CTNND2: variants seen among roughly 807,000 people sequenced by gnomAD.
CTNND2 encodes the protein catenin delta 2, also known as catenin delta-2.
Under a neutral mutation model 144.4 loss-of-function variants are expected in CTNND2, and 22 were observed. The observed-to-expected ratio is 0.15, with a 90% confidence interval of 0.11 to 0.22. The LOEUF is 0.22. Ranked by LOEUF, CTNND2 falls within the 10% of genes least tolerant of loss-of-function variation. The pLI is 1.00. For synonymous variants in CTNND2, 751 were observed against 695.6 expected, an observed-to-expected ratio of 1.08 and a Z score of -1.25; for missense variants, 1,353 against 1,618.8, an observed-to-expected ratio of 0.84 and a Z score of 2.82.
At chr5:11,620,151 T>G (rs1780763031) in intron 2 of CTNND2, among the ~76,000 whole-genome samples, 1 of 152,180 alleles carries the variant, frequency 6.6e-6, no homozygotes, top group Non-Finnish European at 1.5e-5. Flanking sequence ...CTAATAGGTA[T>G]CCTAATCATC....
At chr5:11,056,884 G>A (rs1308321940) in intron 16 of CTNND2, among the ~76,000 whole-genome samples, 7 of 152,328 alleles carry the variant, frequency 4.6e-5, no homozygotes, top group Admixed American at 1.3e-4. Flanking sequence ...AGCTCAGGCC[G>A]CATGCCAGAG....
At chr5:11,630,689 C>T (rs1781369313) in intron 2 of CTNND2, among the ~76,000 whole-genome samples, 1 of 152,064 alleles carries the variant, frequency 6.6e-6, no homozygotes, top group South Asian at 2.1e-4. Context: ...TCAATAATCA[C>T]ACCTGTAATC....
chr5:11,153,011 C>T (rs756723601), intron 12 of CTNND2, among the ~76,000 whole-genome samples: 1 of 152,134 alleles, frequency 6.6e-6, no homozygotes, highest in Non-Finnish European at 1.5e-5. Flanking sequence ...TTCCTGTAAT[C>T]CCAGCACTTT....
intron 6 of CTNND2, among the ~76,000 whole-genome samples, chr5:11,393,448 C>A (rs1759808734): frequency 2.0e-5 from 3 of 152,124 alleles, no homozygotes; most frequent in South Asian, 4.1e-4. Context: ...GTTTGAGGGA[C>A]AAAATGCTTG....
At chr5:11,785,952 G>A (rs1157444549) in intron 1 of CTNND2, among the ~76,000 whole-genome samples, 5 of 152,300 alleles carry the variant, frequency 3.3e-5, no homozygotes, top group East Asian at 1.9e-4. Flanking sequence ...GCCAGTGCCC[G>A]GGGCAGTCAT....
At chr5:11,356,305 C>G (rs988643067) in intron 8 of CTNND2, among the ~76,000 whole-genome samples, 2 of 152,080 alleles carry the variant, frequency 1.3e-5, no homozygotes, top group African/African-American at 4.8e-5. Context: ...AAATATATGA[C>G]AAAGCTACAG....
intron 18 of CTNND2, among the ~76,000 whole-genome samples, chr5:11,016,805 C>T (rs1741650359): frequency 6.6e-6 from 1 of 152,030 alleles, no homozygotes; most frequent in African/African-American, 2.4e-5. Flanking sequence ...GAGTCTCGCT[C>T]TGTTGCCCAG....
chr5:11,317,734 T>G (rs1462261704), intron 9 of CTNND2, among the ~76,000 whole-genome samples: 1 of 152,194 alleles, frequency 6.6e-6, no homozygotes, highest in African/African-American at 2.4e-5. Context: ...TTGAAAGCCT[T>G]GATCCTTAAC....
intron 12 of CTNND2, among the ~76,000 whole-genome samples, chr5:11,135,558 T>C (rs1250527700): frequency 1.3e-5 from 2 of 152,142 alleles, no homozygotes; most frequent in African/African-American, 4.8e-5. Context: ...ATCCAATAAT[T>C]TGCTAAAATT....
intron 3 of CTNND2, among the ~76,000 whole-genome samples, chr5:11,465,411 C>A (rs1766575134): frequency 6.6e-6 from 1 of 151,460 alleles, no homozygotes; most frequent in African/African-American, 2.4e-5. Flanking sequence ...AATGTTTGTG[C>A]AACTGGTAAA....
At chr5:11,710,987 T>C (rs1785994132) in intron 2 of CTNND2, among the ~76,000 whole-genome samples, 1 of 152,218 alleles carries the variant, frequency 6.6e-6, no homozygotes, top group Admixed American at 6.5e-5. Context: ...TTAATTTCCT[T>C]CCAGTGTGTT....
chr5:11,528,327 T>G, intron 3 of CTNND2, among the ~76,000 whole-genome samples: 1 of 152,198 alleles, frequency 6.6e-6, no homozygotes, highest in East Asian at 1.9e-4. Context: ...AATGGCTTTC[T>G]GGGTTTTCAT....
chr5:11,163,446 A>T (rs1302353864), intron 11 of CTNND2, among the ~76,000 whole-genome samples: 1 of 152,072 alleles, frequency 6.6e-6, no homozygotes, highest in Non-Finnish European at 1.5e-5. Flanking sequence ...TCCTACTTGT[A>T]CTCCCTCACA....
intron 1 of CTNND2, among the ~76,000 whole-genome samples, chr5:11,899,161 G>A (rs1196145245): frequency 6.6e-6 from 1 of 152,148 alleles, no homozygotes; most frequent in Non-Finnish European, 1.5e-5. Context: ...ACATTTAGCT[G>A]TTTAAGGTTT....
chr5:11,422,079 A>G (rs536796905), intron 3 of CTNND2, among the ~76,000 whole-genome samples: 1 of 152,294 alleles, frequency 6.6e-6, no homozygotes, highest in African/African-American at 2.4e-5. Flanking sequence ...CAGAGGCCTG[A>G]GAGAGTGCAG....
At chr5:11,599,589 T>A (rs1391462300) in intron 2 of CTNND2, among the ~76,000 whole-genome samples, 2 of 152,204 alleles carry the variant, frequency 1.3e-5, no homozygotes, top group South Asian at 4.1e-4. Context: ...TGGGTTTTTT[T>A]GCTTGTTTGT....
rs189742212 is a variant in CTNND2 at position 11,435,702 on chromosome 5, A to T, written c.288-23633T>A. On this transcript the variant is annotated intron_variant, in intron 3 of 21. Transcript: ENST00000304623. ...ATTCCTCTTCAACCTCACATCACAG[A>T]TTTTATAGTATTTATAATGCAAATA... Among the ~76,000 whole-genome samples, 6 of 152,288 alleles carry T rather than the reference A, an allele frequency of 3.9e-5. No individual in the cohort carries two copies. The East Asian group carries it at 1.2e-3, about 29-fold the overall frequency.
At chr5:11,017,898 C>A in intron 18 of CTNND2, 76 bp downstream of exon 18, 1 of 1,106,294 alleles carries the variant, frequency 9.0e-7, no homozygotes, top group Non-Finnish European at 1.4e-6. Context: ...TGGGAAAGTG[C>A]CCTCCACGTC....
chr5:10,985,287 C>A (rs1737805412), intron 20 of CTNND2, among the ~76,000 whole-genome samples: 1 of 152,062 alleles, frequency 6.6e-6, no homozygotes, highest in Admixed American at 6.6e-5. Flanking sequence ...ACGTGAGGTT[C>A]CCAGGCATGC....
Sources: gnomAD v4.1 joint callset for allele counts (sites outside exome capture counted in the v4.1 genomes callset) on GRCh38, gnomAD v4.1.1 for gene constraint, MANE v1.5 for transcripts, NCBI Gene and HGNC (gene_info 2026-07-23, HGNC 2026-07-21) for gene names.